ADSS1: variants seen among roughly 807,000 people sequenced by gnomAD.
ADSS1 encodes the protein adenylosuccinate synthetase isozyme 1.
ADSS1 carries 57 observed loss-of-function variants against 59.1 expected under a neutral mutation model. The observed-to-expected ratio is 0.97, with a 90% CI of 0.78 to 1.20. The LOEUF (loss-of-function observed/expected upper bound fraction) is 1.20, where lower values mean the gene tolerates loss of function less well. Among genes scored for constraint, ADSS1 ranks in the 50% most tolerant of loss-of-function variants. The probability of loss-of-function intolerance (pLI) is 0.00; values close to 1 mark genes in which losing one functional copy is unlikely to be tolerated. For missense variants in ADSS1, 603 were observed against 610.3 expected (o/e 0.99, Z 0.13); for synonymous variants, 247 against 249.4 (o/e 0.99, Z 0.09).
chr14:104,726,969 C>G (rs1890733774), intron 1 of ADSS1, among the ~76,000 whole-genome samples: 1 of 152,154 alleles, frequency 6.6e-6, no homozygotes, highest in Non-Finnish European at 1.5e-5. Context: ...CACCCAGGCT[C>G]TGGCTCTGCC....
At chr14:104,743,767 C>T (rs928169382) in intron 10 of ADSS1, among the ~76,000 whole-genome samples, 5 of 152,364 alleles carry the variant, frequency 3.3e-5, no homozygotes, top group Non-Finnish European at 5.9e-5. Context: ...TAACCAGACC[C>T]CTGCTAGGTG....
intron 1 of ADSS1, chr14:104,729,904 G>A (rs1566794277): frequency 6.5e-7 from 1 of 1,530,460 alleles, no homozygotes; most frequent in Non-Finnish European, 8.8e-7. Context: ...TGGTGGGGAG[G>A]AGCTGTGGGG....
intron 1 of ADSS1, chr14:104,730,114 G>A: frequency 6.5e-7 from 1 of 1,549,384 alleles, no homozygotes. Context: ...CGCTGGGAGA[G>A]GAGAGGGCTT....
chr14:104,743,947 G>A (rs1891466237), intron 10 of ADSS1, among the ~76,000 whole-genome samples: 2 of 152,248 alleles, frequency 1.3e-5, no homozygotes, highest in Admixed American at 6.5e-5. Context: ...GTGCTCAGCA[G>A]ACCCATCCAT....
At chr14:104,730,258 C>T in intron 1 of ADSS1, 1 of 1,443,504 alleles carries the variant, frequency 6.9e-7, no homozygotes. Flanking sequence ...CTTTGGGAGG[C>T]CGAGGCGAGC....
At position 104,724,259 on chromosome 14, in the gene ADSS1, A is replaced by G. The variant is rs1890653113; in HGVS notation, c.-12A>G. 1.2e-5 allele frequency: 15 copies of G among 1,226,464 alleles called. No homozygotes were observed. The highest frequency in any genetic ancestry group is 1.6e-5 in the African/African-American group (1 of 64,018). The allele number at this position is 1,226,464 out of a possible 1,614,324, so 76.0% of individuals were successfully genotyped here. ...CCTGGCCGGGCCAGCGCAGCGGAAG[A>G]GCCAAGCCAGCATGTCGGGGACCCG... On this transcript the variant is annotated 5_prime_UTR_variant, in exon 1 of 13. Coordinates refer to ENST00000330877, the MANE Select transcript of ADSS1 (RefSeq NM_152328.5).
chr14:104,741,608 A>C (rs1891360160), intron 8 of ADSS1, among the ~76,000 whole-genome samples: 1 of 152,118 alleles, frequency 6.6e-6, no homozygotes, highest in Non-Finnish European at 1.5e-5. Flanking sequence ...TGGTCACCTC[A>C]GGCCATGCTG....
At position 104,742,011 on chromosome 14, in the gene ADSS1, C is replaced by G. The variant is rs762127530; in HGVS notation, c.948+9C>G. The G allele has an allele frequency of 6.2e-7, 1 of 1,612,280 alleles. No homozygotes were observed. The highest frequency in any genetic ancestry group is 1.7e-5 in the Admixed American group (1 of 60,000). Reference sequence around the variant, plus strand: ...CCACCGAGCAGATCAACGTGAGTCCCCAGCCCCTCGGGACCCCGTGGGAGG... The same window carrying G: ...CCACCGAGCAGATCAACGTGAGTCCGCAGCCCCTCGGGACCCCGTGGGAGG... On this transcript the variant is annotated intron_variant, in intron 9 of 12. Transcript: ENST00000330877.
At chr14:104,729,453 C>T (rs569820022) in intron 1 of ADSS1, among the ~76,000 whole-genome samples, 89 of 151,364 alleles carry the variant, frequency 5.9e-4, no homozygotes, top group Non-Finnish European at 1.2e-3. Flanking sequence ...TGTGGAGACG[C>T]CTTGCACGTG....
chr14:104,730,627 GC>G (rs1890889680), intron 1 of ADSS1, among the ~76,000 whole-genome samples: 1 of 152,148 alleles, frequency 6.6e-6, no homozygotes, highest in African/African-American at 2.4e-5. Flanking sequence ...TATATAAAAT[GC>G]CTGGAGGGAC....
intron 1 of ADSS1, among the ~76,000 whole-genome samples, chr14:104,726,395 C>T (rs1285136102): frequency 1.3e-5 from 2 of 152,224 alleles, no homozygotes; most frequent in African/African-American, 2.4e-5. Context: ...AGCGGGGCGC[C>T]GCTCTGCAAG....
At chr14:104,742,267 G>A (rs183853066) in intron 9 of ADSS1, among the ~76,000 whole-genome samples, 15 of 152,254 alleles carry the variant, frequency 9.9e-5, no homozygotes, top group Admixed American at 3.9e-4. Flanking sequence ...CGTTCCCCTC[G>A]GAGTGTGTGA....
In ADSS1 at chr14:104,740,470, C is replaced by T. The variant is rs1891303072; in HGVS notation, c.477-131C>T. On this transcript the variant is annotated intron_variant, in intron 5 of 12. Coordinates refer to ENST00000330877, the MANE Select transcript of ADSS1 (RefSeq NM_152328.5). This position sits in a 1 kb window ranked among gnomAD's most constrained non-coding sequence, Gnocchi z 4.8. ...GTACACCCACACACGCACACACTCA[C>T]AGCTCAGCCAGACACAGGCAGCAAT... 3.8e-6 allele frequency: 3 copies of T among 781,408 alleles called. No individual in the cohort carries two copies. The highest frequency in any genetic ancestry group is 2.5e-5 in the East Asian group (1 of 40,174). The allele number at this position is 781,408 out of a possible 1,614,324, so 48.4% of individuals were successfully genotyped here. A position where few individuals can be genotyped will look rare whatever the true frequency, so the allele number is the denominator to read the frequency against.
intron 8 of ADSS1, among the ~76,000 whole-genome samples, chr14:104,741,567 G>A (rs1209882528): frequency 6.6e-6 from 1 of 152,068 alleles, no homozygotes; most frequent in African/African-American, 2.4e-5. Flanking sequence ...CCCCACGGGC[G>A]CACCAGCTTA....
chr14:104,741,790 G>A (rs1409177177), intron 8 of ADSS1, 58 bp from the exon 9 acceptor site: 7 of 1,594,314 alleles, frequency 4.4e-6, no homozygotes, highest in Middle Eastern at 1.7e-4. Context: ...CTCTTGGGCC[G>A]GGTGGAATAA....
In ADSS1 at chr14:104,740,690, T is replaced by C; in HGVS notation, c.566T>C (p.Phe189Ser). 6.2e-7 allele frequency: 1 copy of C among 1,613,762 alleles called. No homozygotes were observed. The highest frequency in any genetic ancestry group is 8.5e-7 in the Non-Finnish European group (1 of 1,179,986). The stretch of plus-strand genomic sequence containing the variant: ...CGCATCTGCGACCTCCTGTCAGATT[T>C]TGATGAGTTTTCCTCCAGGTACCTG... ...GLRICDLLSDFDEFSSRFKNL... is the reference protein window; with the variant it reads ...GLRICDLLSDSDEFSSRFKNL... The change falls in exon 6 of 13, where the codon TTT (phenylalanine) becomes TCT (serine). Residue 189 changes from phenylalanine to serine, a missense_variant. Physicochemically the swap from Phe to Ser is radical, Grantham distance 155. Coordinates refer to ENST00000330877, the MANE Select transcript of ADSS1 (RefSeq NM_152328.5). The surrounding 1 kb of genome is among the most constrained non-coding windows in gnomAD (Gnocchi z 4.8).
At chr14:104,726,978 C>T (rs1890734092) in intron 1 of ADSS1, among the ~76,000 whole-genome samples, 1 of 152,156 alleles carries the variant, frequency 6.6e-6, no homozygotes. Flanking sequence ...TCTGGCTCTG[C>T]CTGCTGCTGA....
At chr14:104,741,080 C>T (rs754802210) in intron 7 of ADSS1, 37 bp from the exon 8 acceptor site, 4 of 1,586,326 alleles carry the variant, frequency 2.5e-6, no homozygotes, top group South Asian at 1.1e-5. Flanking sequence ...CTGCCCCAGG[C>T]CACAGGCTCA....
In ADSS1 at chr14:104,729,983, G is replaced by T. The variant is rs146609245; in HGVS notation, c.193-5037G>T. The T allele has an allele frequency of 3.1e-6, 5 of 1,596,854 alleles. No individual in the cohort carries two copies. The highest frequency in any genetic ancestry group is 4.3e-6 in the Non-Finnish European group (5 of 1,172,378). ...GGCCCTGACCCTCAGCTCGTCCCCA[G>T]CTCACAGCACAGCCCTCCCCTGGCT... On this transcript the variant is annotated intron_variant, in intron 1 of 12. Coordinates refer to ENST00000330877, the MANE Select transcript of ADSS1 (RefSeq NM_152328.5).
Sources: allele counts gnomAD v4.1 joint callset (sites outside exome capture counted in the v4.1 genomes callset), GRCh38; gene constraint gnomAD v4.1.1; non-coding constraint Gnocchi (gnomAD v3.1); transcripts MANE v1.5; gene names NCBI Gene and HGNC (gene_info 2026-07-23, HGNC 2026-07-21).